The following MARCHF4 variants were observed in gnomAD, a reference collection of about 807,000 sequenced individuals.
MARCHF4 encodes the protein membrane associated ring-CH-type finger 4.
In MARCHF4, 14 loss-of-function variants were observed where a neutral mutation model predicts 43.9. The ratio of observed to expected loss-of-function variants is 0.32; its 90% CI spans 0.21 to 0.50. MARCHF4 has a LOEUF of 0.50. Ranked by LOEUF, MARCHF4 falls within the 20% of genes least tolerant of loss-of-function variation. MARCHF4 has a pLI of 0.98. For missense variants in MARCHF4, 468 were observed against 536.7 expected (o/e 0.87, Z 1.27); for synonymous variants, 226 against 213.3 (o/e 1.06, Z -0.52).
At chr2:216,337,020 T>G (rs1692169178) in intron 1 of MARCHF4, among the ~76,000 whole-genome samples, 1 of 151,650 alleles carries the variant, frequency 6.6e-6, no homozygotes. Flanking sequence ...GGTATGGTAG[T>G]GCATGGCTGT....
At chr2:216,346,602 G>A (rs1692324356) in intron 1 of MARCHF4, among the ~76,000 whole-genome samples, 1 of 152,102 alleles carries the variant, frequency 6.6e-6, no homozygotes, top group Non-Finnish European at 1.5e-5. Context: ...GTGCCAGAAA[G>A]GTCTGAAGGA....
chr2:216,366,499 A>G (rs187903545), intron 1 of MARCHF4, among the ~76,000 whole-genome samples: 3 of 150,826 alleles, frequency 2.0e-5, no homozygotes, highest in East Asian at 3.9e-4. Context: ...GTTCACATCT[A>G]TCTCTCTCTC....
chr2:216,290,647 C>G (rs1481808972), intron 1 of MARCHF4, among the ~76,000 whole-genome samples: 2 of 152,070 alleles, frequency 1.3e-5, no homozygotes, highest in African/African-American at 2.4e-5. Context: ...TTGTGTTCAT[C>G]CAGGTGAGTC....
intron 1 of MARCHF4, among the ~76,000 whole-genome samples, chr2:216,327,442 A>C (rs1574478715): frequency 6.6e-6 from 1 of 151,848 alleles, no homozygotes; most frequent in African/African-American, 2.4e-5. Context: ...ACCCCCAGCC[A>C]ATTTAAAACC....
Position 216,283,735 on chromosome 2 carries a change from G to A in MARCHF4, c.517-6C>T, listed in dbSNP as rs1559089330. On this transcript the variant is annotated splice_polypyrimidine_tract_variant and splice_region_variant and intron_variant, in intron 1 of 3. Coordinates refer to ENST00000273067, the MANE Select transcript of MARCHF4 (RefSeq NM_020814.3). ...CATGGGCTCAGCAGCTCCCCCTGCA[G>A]GGAGAGAGCACAGGGTGATGAGGCT... is the stretch of plus-strand genomic sequence containing the variant. The A allele has an allele frequency of 3.8e-6, 6 of 1,598,192 alleles. No individual in the cohort carries two copies. Among genetic ancestry groups the A allele is most frequent in the Non-Finnish European group, 5.1e-6 (6 of 1,168,026 alleles).
chr2:216,284,638 T>C (rs1021437178), intron 1 of MARCHF4, among the ~76,000 whole-genome samples: 1 of 152,104 alleles, frequency 6.6e-6, no homozygotes, highest in Non-Finnish European at 1.5e-5. Context: ...ACTAATTTTT[T>C]ATTTTTTTTG....
At chr2:216,281,668 C>G (rs1691130507) in intron 2 of MARCHF4, among the ~76,000 whole-genome samples, 2 of 152,178 alleles carry the variant, frequency 1.3e-5, no homozygotes, top group Non-Finnish European at 2.9e-5. Context: ...TGCTTCTAAT[C>G]CAAACTACTT....
intron 1 of MARCHF4, among the ~76,000 whole-genome samples, chr2:216,306,442 T>C (rs1327265798): frequency 6.6e-6 from 1 of 152,208 alleles, no homozygotes; most frequent in Non-Finnish European, 1.5e-5. Context: ...GTCTTTATAA[T>C]CTTTCCAAAT....
At chr2:216,292,022 G>A (rs1691316746) in intron 1 of MARCHF4, among the ~76,000 whole-genome samples, 1 of 152,210 alleles carries the variant, frequency 6.6e-6, no homozygotes, top group African/African-American at 2.4e-5. Flanking sequence ...CCCTATGTAA[G>A]AGATGCCCTT....
chr2:216,313,265 T>C (rs1691718905), intron 1 of MARCHF4, among the ~76,000 whole-genome samples: 1 of 152,228 alleles, frequency 6.6e-6, no homozygotes, highest in East Asian at 1.9e-4. Context: ...TTAAATTGAA[T>C]AAATTTGGTT....
At chr2:216,341,292 T>TG (rs1449765293) in intron 1 of MARCHF4, among the ~76,000 whole-genome samples, 1 of 152,230 alleles carries the variant, frequency 6.6e-6, no homozygotes, top group Non-Finnish European at 1.5e-5. Flanking sequence ...CGTGAATGAC[T>TG]GTACTTTGGC....
chr2:216,269,056 A>G (rs1169641917), intron 3 of MARCHF4, among the ~76,000 whole-genome samples: 1 of 152,136 alleles, frequency 6.6e-6, no homozygotes, highest in Non-Finnish European at 1.5e-5. Flanking sequence ...ACTTTCTATA[A>G]TTTTGCTGAT....
chr2:216,305,753 T>C (rs1469833329), intron 1 of MARCHF4, among the ~76,000 whole-genome samples: 1 of 152,170 alleles, frequency 6.6e-6, no homozygotes, highest in Non-Finnish European at 1.5e-5. Flanking sequence ...CATATGGAGA[T>C]GGAGCAACTT....
intron 1 of MARCHF4, among the ~76,000 whole-genome samples, chr2:216,305,292 G>A (rs368601701): frequency 1.5e-4 from 23 of 152,266 alleles, no homozygotes; most frequent in African/African-American, 5.5e-4. Context: ...AAGGAGATAG[G>A]TGGGTATAAG....
At chr2:216,359,442 T>G (rs919571195) in intron 1 of MARCHF4, among the ~76,000 whole-genome samples, 2 of 152,362 alleles carry the variant, frequency 1.3e-5, no homozygotes, top group East Asian at 3.9e-4. Context: ...TACCTCTTCT[T>G]CATCAGGCTC....
At position 216,308,694 on chromosome 2, in the gene MARCHF4, C is replaced by T. The variant is rs574263414; in HGVS notation, c.517-24965G>A. 2.0e-5 allele frequency among the ~76,000 whole-genome samples: 3 copies of T among 152,304 alleles called. No homozygotes were observed. The South Asian group carries it at 6.2e-4, about 32-fold the overall frequency. On this transcript the variant is annotated intron_variant, in intron 1 of 3. Coordinates refer to ENST00000273067, the MANE Select transcript of MARCHF4 (RefSeq NM_020814.3). ...TGAGAGTCCTCAGAAAGACATCTTG[C>T]AAACTGATACAGGAACCCAGACTAT...
intron 1 of MARCHF4, among the ~76,000 whole-genome samples, chr2:216,331,746 T>C (rs6744378): frequency 0.023 from 3,434 of 152,258 alleles, 138 homozygotes; most frequent in African/African-American, 0.079. Flanking sequence ...GTCATCTAAA[T>C]AAATGAGAAA....
rs116294397 is a variant in MARCHF4, at chr2:216,294,655, G to A, written c.517-10926C>T. On this transcript the variant is annotated intron_variant, in intron 1 of 3. Coordinates refer to ENST00000273067, the MANE Select transcript of MARCHF4 (RefSeq NM_020814.3). ...AAGAATCACCTGGGAGGCTTGTTAC[G>A]CATTCAGAAGCTCAGGCTTCACTCC... is the stretch of plus-strand genomic sequence containing the variant. 6.8e-3 allele frequency among the ~76,000 whole-genome samples: 1,043 copies of A among 152,264 alleles called. 18 individuals carry two copies. The highest frequency in any genetic ancestry group is 7.0e-3 in the Non-Finnish European group (479 of 68,012).
intron 1 of MARCHF4, among the ~76,000 whole-genome samples, chr2:216,346,762 T>C (rs1437536707): frequency 2.0e-5 from 3 of 152,156 alleles, no homozygotes; most frequent in Non-Finnish European, 2.9e-5. Context: ...GAAGATACAA[T>C]GAGAGGTGGG....
Sources: allele counts gnomAD v4.1 joint callset (sites outside exome capture counted in the v4.1 genomes callset), GRCh38; gene constraint gnomAD v4.1.1; transcripts MANE v1.5; gene names NCBI Gene and HGNC (gene_info 2026-07-23, HGNC 2026-07-21).